The following NCBP1 variants were observed in gnomAD, a reference collection of about 807,000 sequenced individuals.
NCBP1 encodes nuclear cap-binding protein subunit 1.
In NCBP1, 16 loss-of-function variants were observed where a neutral mutation model predicts 111.7. That is an observed-to-expected ratio of 0.14 (90% CI 0.10 to 0.22). NCBP1 has a LOEUF of 0.22. NCBP1 is among the 10% of genes least tolerant of loss of function. The pLI is 1.00. For synonymous variants in NCBP1, 304 were observed against 314.3 expected (o/e 0.97, Z 0.35); for missense variants, 607 against 957.5 (o/e 0.63, Z 4.83).
chr9:97,650,775 T>G (rs1827477304), intron 9 of NCBP1, among the ~76,000 whole-genome samples, 175 bp downstream of exon 9: 1 of 152,176 alleles, frequency 6.6e-6, no homozygotes, highest in Admixed American at 6.5e-5. Context: ...TTCACCCTTG[T>G]ATAGTACTTT....
chr9:97,669,664 G>T lies in NCBP1; in HGVS notation c.2217G>T (p.Trp739Cys). 2 of 1,612,126 alleles carry T rather than the reference G, an allele frequency of 1.2e-6. No individual in the cohort carries two copies. The highest frequency in any genetic ancestry group is 1.7e-6 in the Non-Finnish European group (2 of 1,178,336). Residue 739 changes from tryptophan (W) to cysteine (C), a missense_variant, in exon 22 of 23, where the codon TGG becomes TGT. Trp to Cys is a radical substitution (Grantham distance 215). Transcript: ENST00000375147. ...ATGGGACCAGTGTATTAACACCATG[G>T]TATAAGAACTGTATAGAGAGGCTGC... Reference protein sequence around the residue: ...ETDGTSVLTPWYKNCIERLQQ... With the variant: ...ETDGTSVLTPCYKNCIERLQQ...
chr9:97,651,656 A>C (rs1023408852), intron 10 of NCBP1, among the ~76,000 whole-genome samples: 2 of 152,192 alleles, frequency 1.3e-5, no homozygotes, highest in Admixed American at 1.3e-4. Context: ...TGGATAATGT[A>C]AGTTACCTCT....
intron 18 of NCBP1, among the ~76,000 whole-genome samples, chr9:97,663,840 T>G (rs1024057871): frequency 7.2e-5 from 11 of 151,866 alleles, no homozygotes; most frequent in African/African-American, 2.7e-4. Flanking sequence ...GTCAACCTGT[T>G]TCTTGTAGTG....
At chr9:97,655,813 T>C (rs188558440) in intron 13 of NCBP1, 49 bp downstream of exon 13, 9 of 1,499,616 alleles carry the variant, frequency 6.0e-6, no homozygotes, top group Non-Finnish European at 8.2e-6. Context: ...AAACTACTAA[T>C]GTTTAAAACT....
intron 20 of NCBP1, among the ~76,000 whole-genome samples, chr9:97,667,747 T>C (rs1041737815): frequency 6.6e-6 from 1 of 152,232 alleles, no homozygotes; most frequent in Admixed American, 6.5e-5. Context: ...ACTATTTTAG[T>C]TAAATACAAT....
chr9:97,665,559 CTGA>C (rs1450485739), intron 19 of NCBP1, among the ~76,000 whole-genome samples: 2 of 152,220 alleles, frequency 1.3e-5, no homozygotes, highest in Non-Finnish European at 2.9e-5. Context: ...AAACCTTTCC[CTGA>C]CTATAGTCCA....
intron 15 of NCBP1, among the ~76,000 whole-genome samples, chr9:97,659,310 G>T (rs572565267): frequency 6.6e-6 from 1 of 152,250 alleles, no homozygotes; most frequent in South Asian, 2.1e-4. Context: ...TTTCCAACTT[G>T]TTCTTTGCAG....
chr9:97,648,259 G>A (rs765191054), intron 8 of NCBP1, 36 bp downstream of exon 8: 1 of 1,581,434 alleles, frequency 6.3e-7, no homozygotes, highest in South Asian at 1.1e-5. Context: ...ATATTGACCT[G>A]TGTTGCATTG....
At chr9:97,664,167 ACT>A (rs879480461) in intron 18 of NCBP1, among the ~76,000 whole-genome samples, 171 bp from the exon 19 acceptor site, 6 of 151,708 alleles carry the variant, frequency 4.0e-5, no homozygotes, top group East Asian at 3.9e-4. Context: ...TGACAGAGCA[ACT>A]CTGTCTCCCA....
chr9:97,673,543 G>A lies in NCBP1; in HGVS notation c.*2344G>A, dbSNP rs1409494375. The A allele has an allele frequency of 1.3e-5, 2 of 152,184 alleles. No individual in the cohort carries two copies. Among genetic ancestry groups the A allele is most frequent in the Non-Finnish European group, 2.9e-5 (2 of 68,028 alleles). 9.4% of individuals were successfully genotyped at this position (152,184 alleles called of 1,614,324 possible). On this transcript the variant is annotated 3_prime_UTR_variant, in exon 23 of 23. Coordinates refer to ENST00000375147, the MANE Select transcript of NCBP1 (RefSeq NM_002486.5). ...GCTGATGTGGTCCTGCTCTGTCCCA[G>A]TCTAGCAGCTTTAGTGTATGGAAAA...
chr9:97,655,872 G>C, intron 13 of NCBP1, 108 bp downstream of exon 13: 28 of 1,319,680 alleles, frequency 2.1e-5, no homozygotes, highest in Non-Finnish European at 2.9e-5. Context: ...ACTATTTGTA[G>C]TTAAGTACAA....
At chr9:97,655,573 G>A (rs892407122) in intron 12 of NCBP1, 129 bp from the exon 13 acceptor site, 2 of 633,262 alleles carry the variant, frequency 3.2e-6, no homozygotes, top group Non-Finnish European at 5.4e-6. Context: ...ACAACTGCAT[G>A]TAGGGGAATA....
At chr9:97,663,112 A>G (rs1827887213) in intron 18 of NCBP1, 65 bp downstream of exon 18, 1 of 1,231,706 alleles carries the variant, frequency 8.1e-7, no homozygotes, top group Non-Finnish European at 1.2e-6. Context: ...AAGGCCGTTA[A>G]TTGCCATTGT....
At chr9:97,647,464 A>G in intron 6 of NCBP1, 28 bp from the exon 7 acceptor site, 8 of 1,570,064 alleles carry the variant, frequency 5.1e-6, no homozygotes, top group Non-Finnish European at 7.0e-6. Flanking sequence ...TTAAAAGCCT[A>G]AATGTAGATT....
intron 18 of NCBP1, 46 bp downstream of exon 18, chr9:97,663,093 T>C (rs1274565878): frequency 7.0e-7 from 1 of 1,424,776 alleles, no homozygotes; most frequent in Admixed American, 2.0e-5. Flanking sequence ...ATTGTATGGG[T>C]ATAAAAATAA....
chr9:97,641,790 T>C, intron 3 of NCBP1, 128 bp downstream of exon 3: 1 of 1,059,456 alleles, frequency 9.4e-7, no homozygotes, highest in Non-Finnish European at 1.2e-6. Flanking sequence ...GGGAAATTTG[T>C]ACAAATGAGC....
intron 13 of NCBP1, 31 bp downstream of exon 13, chr9:97,655,795 T>C (rs777670784): frequency 2.5e-6 from 4 of 1,575,788 alleles, no homozygotes; most frequent in Non-Finnish European, 3.5e-6. Flanking sequence ...TCTTTTTCTG[T>C]AGTCAAAAAA....
At chr9:97,651,927 T>C (rs1476846150) in intron 10 of NCBP1, among the ~76,000 whole-genome samples, 2 of 152,330 alleles carry the variant, frequency 1.3e-5, no homozygotes, top group East Asian at 3.9e-4. Context: ...AAGGTTGATG[T>C]TAGTATACAG....
Position 97,643,189 on chromosome 9 carries a change from G to T in NCBP1, c.225-15G>T. 1 of 1,564,870 alleles carries T rather than the reference G, an allele frequency of 6.4e-7. No homozygotes were observed. The highest frequency in any genetic ancestry group is 8.6e-7 in the Non-Finnish European group (1 of 1,164,852). ...TGTTTTGGGGTTTTCTTGTTATACT[G>T]GGTTCTTAAATCAGTGCACGCCTAT... is the stretch of plus-strand genomic sequence containing the variant. On this transcript the variant is annotated splice_polypyrimidine_tract_variant and intron_variant, in intron 3 of 22. Coordinates refer to ENST00000375147, the MANE Select transcript of NCBP1 (RefSeq NM_002486.5).
Sources: gnomAD v4.1 joint callset for allele counts (sites outside exome capture counted in the v4.1 genomes callset) on GRCh38, gnomAD v4.1.1 for gene constraint, MANE v1.5 for transcripts, NCBI Gene and HGNC (gene_info 2026-07-23, HGNC 2026-07-21) for gene names.